Variants in FBXW11 observed in about 807,000 individuals in gnomAD.
FBXW11 encodes F-box/WD repeat-containing protein 11.
FBXW11 carries 19 observed loss-of-function variants against 77.6 expected under a neutral mutation model. That is an observed-to-expected ratio of 0.24 (90% CI 0.17 to 0.36). The LOEUF is 0.36. Ranked by LOEUF, FBXW11 falls within the 10% of genes least tolerant of loss-of-function variation. FBXW11 has a pLI of 1.00. For missense variants in FBXW11, 334 were observed against 704.2 expected (o/e 0.47, Z 5.95); for synonymous variants, 235 against 249.4 (o/e 0.94, Z 0.54).
At chr5:171,888,710 G>A (rs1759085825) in intron 7 of FBXW11, among the ~76,000 whole-genome samples, 1 of 152,140 alleles carries the variant, frequency 6.6e-6, no homozygotes, top group Non-Finnish European at 1.5e-5. Context: ...TCAGGGGACT[G>A]GACAATCAAC....
chr5:171,873,557 A>G (rs1396450320), intron 9 of FBXW11, among the ~76,000 whole-genome samples: 1 of 152,166 alleles, frequency 6.6e-6, no homozygotes, highest in East Asian at 1.9e-4. Flanking sequence ...TGAAAGGATC[A>G]TTTGAGCCCA....
At chr5:171,868,579 C>T in intron 13 of FBXW11, 31 bp downstream of exon 13, 1 of 1,538,958 alleles carries the variant, frequency 6.5e-7, no homozygotes, top group East Asian at 2.3e-5. Flanking sequence ...ATTCAATCAG[C>T]AAAATTGGAA....
chr5:171,952,089 T>G (rs1037406448), intron 2 of FBXW11, among the ~76,000 whole-genome samples: 13 of 152,076 alleles, frequency 8.5e-5, no homozygotes, highest in Admixed American at 2.0e-4. Flanking sequence ...CACACTGTGC[T>G]AGCCCCTCCT....
intron 2 of FBXW11, among the ~76,000 whole-genome samples, chr5:171,930,736 A>AT (rs1361905043): frequency 8.2e-5 from 9 of 109,276 alleles, no homozygotes; most frequent in African/African-American, 2.8e-4. Context: ...AAATAAATAA[A>AT]AAATAAAAAA....
intron 7 of FBXW11, among the ~76,000 whole-genome samples, chr5:171,880,096 A>G (rs1399010100): frequency 6.6e-6 from 1 of 152,070 alleles, no homozygotes; most frequent in Admixed American, 6.6e-5. Flanking sequence ...ATCCATTTTG[A>G]GTTAATTTTT....
chr5:171,938,556 G>A (rs926654910), intron 2 of FBXW11, among the ~76,000 whole-genome samples: 1 of 152,172 alleles, frequency 6.6e-6, no homozygotes, highest in African/African-American at 2.4e-5. Context: ...CTGGTGGGAA[G>A]GCAAATGTGT....
chr5:172,006,244 G>A (rs898669561), intron 1 of FBXW11, among the ~76,000 whole-genome samples: 2 of 152,324 alleles, frequency 1.3e-5, no homozygotes, highest in East Asian at 1.9e-4. Context: ...GGAGAAGCGA[G>A]GGGCATGGAG....
At chr5:171,931,435 C>T (rs749130702) in intron 2 of FBXW11, among the ~76,000 whole-genome samples, 44 of 152,080 alleles carry the variant, frequency 2.9e-4, no homozygotes, top group Non-Finnish European at 5.7e-4. Context: ...AAAGTCAATA[C>T]GATGAAGAGT....
At chr5:171,922,850 AGAAT>A (rs1326832824) in intron 2 of FBXW11, among the ~76,000 whole-genome samples, 2 of 152,210 alleles carry the variant, frequency 1.3e-5, no homozygotes, top group Non-Finnish European at 2.9e-5. Context: ...AATACCTTAA[AGAAT>A]GAATGTGGAC....
intron 2 of FBXW11, among the ~76,000 whole-genome samples, chr5:171,940,008 C>CTACTGTAT (rs1762668327): frequency 6.6e-6 from 1 of 151,918 alleles, no homozygotes; most frequent in Non-Finnish European, 1.5e-5. Context: ...AATAGTTGTT[C>CTACTGTAT]TACTGTATTT....
chr5:171,865,757 A>G (rs970700330), intron 13 of FBXW11, among the ~76,000 whole-genome samples: 1 of 152,206 alleles, frequency 6.6e-6, no homozygotes, highest in Non-Finnish European at 1.5e-5. Flanking sequence ...AATATATAAT[A>G]CAACATACAG....
chr5:171,967,712 G>A (rs1025124251), intron 1 of FBXW11, among the ~76,000 whole-genome samples: 2 of 151,684 alleles, frequency 1.3e-5, no homozygotes, highest in Admixed American at 6.6e-5. Context: ...AGTGGGGTAC[G>A]CCTGAAGTCC....
chr5:171,884,449 T>C (rs911558589), intron 7 of FBXW11, among the ~76,000 whole-genome samples: 1 of 152,226 alleles, frequency 6.6e-6, no homozygotes, highest in Non-Finnish European at 1.5e-5. Flanking sequence ...ATAAGCACTA[T>C]AGTATAGTTT....
intron 1 of FBXW11, among the ~76,000 whole-genome samples, chr5:171,967,293 C>A (rs1764242542): frequency 6.6e-6 from 1 of 152,180 alleles, no homozygotes; most frequent in African/African-American, 2.4e-5. Context: ...TCATTCACAT[C>A]ACTGTTCATA....
chr5:171,940,698 AC>A (rs763528060), intron 2 of FBXW11, among the ~76,000 whole-genome samples: 4 of 152,044 alleles, frequency 2.6e-5, no homozygotes, highest in Non-Finnish European at 5.9e-5. Context: ...GACCAGCCTG[AC>A]CAACACAGTG....
chr5:171,878,877 G>A (rs534584206), intron 7 of FBXW11, among the ~76,000 whole-genome samples: 1 of 152,030 alleles, frequency 6.6e-6, no homozygotes, highest in South Asian at 2.1e-4. Flanking sequence ...CTATTAAGAG[G>A]TTTTACAAAT....
intron 2 of FBXW11, among the ~76,000 whole-genome samples, chr5:171,953,919 T>TA (rs200086756): frequency 0.012 from 1,854 of 152,074 alleles, 18 homozygotes; most frequent in Non-Finnish European, 0.016. Context: ...CTATTAAAAG[T>TA]AAAAAAAGAA....
In FBXW11 at chr5:171,878,113, C is replaced by T. The variant is rs1280512697; in HGVS notation, c.869G>A (p.Ser290Asn). The T allele has an allele frequency of 6.2e-7, 1 of 1,613,562 alleles. No individual in the cohort carries two copies. The change falls in exon 8 of 14, where the codon AGC becomes AAC. Residue 290 changes from serine (S) to asparagine (N), a missense_variant. Ser to Asn is a conservative substitution (Grantham distance 46). This residue lies in a region of FBXW11 where 70 missense variants were observed against 136.6 expected (regional missense o/e 0.51). Transcript: ENST00000517395. ...TGTTAACACTTTCAAACATTCCAGG[C>T]TGGTTTTATCCCATATCTATTGAGA... ...DNSIKIWDKT[S>N]LECLKVLTGH...
At chr5:171,907,676 A>C (rs1267490182) in intron 4 of FBXW11, among the ~76,000 whole-genome samples, 4 of 152,228 alleles carry the variant, frequency 2.6e-5, no homozygotes, top group Admixed American at 2.0e-4. Context: ...TGTCCCAGCC[A>C]ATGGTCCATT....
Sources: gnomAD v4.1 joint callset for allele counts (sites outside exome capture counted in the v4.1 genomes callset) on GRCh38, gnomAD v4.1.1 for gene constraint, gnomAD v4.1.1 regional missense constraint, MANE v1.5 for transcripts, NCBI Gene and HGNC (gene_info 2026-07-23, HGNC 2026-07-21) for gene names.